The following DIP2C variants were observed in gnomAD, a reference collection of about 807,000 sequenced individuals.
DIP2C encodes the protein DIP2 acetate--CoA ligase C (putative).
A neutral mutation model predicts 192.4 loss-of-function variants in DIP2C; 33 were observed. The observed-to-expected ratio is 0.17, with a 90% CI of 0.13 to 0.23. DIP2C has a LOEUF of 0.23. Among genes scored for constraint, DIP2C ranks in the 10% least tolerant of loss-of-function variants. The pLI, the probability that DIP2C is intolerant of heterozygous loss-of-function variation, is 1.00. For synonymous variants in DIP2C, 979 were observed against 864.1 expected, an observed-to-expected ratio of 1.13 and a Z score of -2.33; for missense variants, 1,537 against 2,110.1, an observed-to-expected ratio of 0.73 and a Z score of 5.32.
chr10:396,456 A>C (rs1963992150), intron 10 of DIP2C, among the ~76,000 whole-genome samples: 1 of 152,240 alleles, frequency 6.6e-6, no homozygotes, highest in Non-Finnish European at 1.5e-5. Context: ...AGTGAAGAAA[A>C]GAATAATTGT....
chr10:580,075 CAT>C (rs1264522442), intron 1 of DIP2C, among the ~76,000 whole-genome samples: 2 of 152,140 alleles, frequency 1.3e-5, no homozygotes, highest in Admixed American at 6.5e-5. Context: ...TATGTACATG[CAT>C]ATAGCATACA....
chr10:658,908 C>T (rs1856577898), intron 1 of DIP2C, among the ~76,000 whole-genome samples: 1 of 152,174 alleles, frequency 6.6e-6, no homozygotes, highest in South Asian at 2.1e-4. Context: ...ATGGCCCTCC[C>T]AGAGAGGACT....
chr10:559,245 C>T (rs1348864614), intron 1 of DIP2C, among the ~76,000 whole-genome samples: 1 of 152,042 alleles, frequency 6.6e-6, no homozygotes, highest in South Asian at 2.1e-4. Flanking sequence ...GGCCCTCGAT[C>T]CGGGACCACA....
At chr10:404,465 T>G (rs1047579346) in intron 9 of DIP2C, among the ~76,000 whole-genome samples, 2 of 152,156 alleles carry the variant, frequency 1.3e-5, no homozygotes, top group Non-Finnish European at 2.9e-5. Flanking sequence ...CACCTCAGCC[T>G]CTCGAAGTGC....
chr10:676,445 C>A, intron 1 of DIP2C, among the ~76,000 whole-genome samples: 1 of 151,302 alleles, frequency 6.6e-6, no homozygotes, highest in East Asian at 1.9e-4. Context: ...TCAAGGGCAC[C>A]CAAAGTGGAA....
chr10:565,644 C>A (rs373626526), intron 1 of DIP2C, among the ~76,000 whole-genome samples: 1 of 152,180 alleles, frequency 6.6e-6, no homozygotes, highest in Admixed American at 6.5e-5. Flanking sequence ...GTGTGTTTCC[C>A]GTTTGCTACA....
intron 1 of DIP2C, among the ~76,000 whole-genome samples, chr10:501,737 C>T (rs1714044998): frequency 6.6e-6 from 1 of 152,086 alleles, no homozygotes; most frequent in Non-Finnish European, 1.5e-5. Flanking sequence ...ACATAGGCAC[C>T]GCAATATCCA....
intron 29 of DIP2C, among the ~76,000 whole-genome samples, chr10:338,864 C>A (rs1367096633): frequency 7.1e-6 from 1 of 141,292 alleles, no homozygotes; most frequent in African/African-American, 2.5e-5. Context: ...CTGGCTCCCA[C>A]AGCCCACCCC....
chr10:504,495 C>T lies in DIP2C; in HGVS notation c.86-17965G>A, dbSNP rs150973087. On this transcript the variant is annotated intron_variant, in intron 1 of 36. Coordinates refer to ENST00000280886, the MANE Select transcript of DIP2C (RefSeq NM_014974.3). ...GCACAGCCACCTTAGGCCGGGAGAG[C>T]GAGGATGGGACTCAGAAGCTGCAAG... Among the ~76,000 whole-genome samples, 557 of 152,308 alleles carry T rather than the reference C, an allele frequency of 3.7e-3. 1 individual carries two copies. Among genetic ancestry groups the T allele is most frequent in the African/African-American group, 0.013 (524 of 41,578 alleles).
rs369484071 is a variant in DIP2C at position 570,035 on chromosome 10, C to G, written c.86-83505G>C. 1.4e-4 allele frequency among the ~76,000 whole-genome samples: 22 copies of G among 152,290 alleles called. 2 individuals carry two copies. The highest frequency in any genetic ancestry group is 5.2e-4 in the Admixed American group (8 of 15,292). ...CAATGGCCTCAGAGCTCCAGCCAAC[C>G]TTGCACTCCACAGACTGAAGTATGC... On this transcript the variant is annotated intron_variant, in intron 1 of 36. Coordinates refer to ENST00000280886, the MANE Select transcript of DIP2C (RefSeq NM_014974.3).
intron 1 of DIP2C, chr10:664,161 G>A (rs1220303352): frequency 6.6e-6 from 1 of 152,278 alleles, no homozygotes; most frequent in African/African-American, 2.4e-5. Flanking sequence ...AAGGGGAAAA[G>A]CCCGGACACA....
At position 369,531 on chromosome 10, in the gene DIP2C, C is replaced by T. The variant is rs779328203; in HGVS notation, c.2094G>A (p.Val698=). The T allele has an allele frequency of 6.3e-7, 1 of 1,578,320 alleles. No individual in the cohort carries two copies. Among genetic ancestry groups the T allele is most frequent in the Non-Finnish European group, 8.6e-7 (1 of 1,159,392 alleles). Residue 698 remains valine (V), a synonymous_variant, in exon 18 of 37, where the codon GTG becomes GTA. Transcript: ENST00000280886. ...CGAGGCCGACATCCTGCACGGTGAG[C>T]ACGGACAGCTTCTCTTCCGAGTCCA... ...IRVDSEEKLS[V]LTVQDVGLVM...
intron 1 of DIP2C, among the ~76,000 whole-genome samples, chr10:554,588 C>A (rs994006435): frequency 6.6e-6 from 1 of 152,224 alleles, no homozygotes; most frequent in Non-Finnish European, 1.5e-5. Context: ...TCTTGAGACA[C>A]AGAAGGGGCA....
chr10:609,931 A>C (rs1852958301), intron 1 of DIP2C, among the ~76,000 whole-genome samples: 1 of 152,004 alleles, frequency 6.6e-6, no homozygotes, highest in Admixed American at 6.6e-5. Flanking sequence ...CGAGGGGCAC[A>C]AAGGAATGCG....
chr10:475,085 C>T (rs1970954739), intron 2 of DIP2C, among the ~76,000 whole-genome samples: 1 of 152,312 alleles, frequency 6.6e-6, no homozygotes, highest in Admixed American at 6.5e-5. Context: ...CATGTTCACC[C>T]TCTAACCTGG....
rs185012932 is a variant in DIP2C, at chr10:400,946, G to A, written c.1150-1727C>T. ...ACATGAATCCTATGATTTTACACGT[G>A]TGGCAGCATTAGCATTACTCTTCCT... is the stretch of plus-strand genomic sequence containing the variant. On this transcript the variant is annotated intron_variant, in intron 9 of 36. Transcript: ENST00000280886. 4.1e-3 allele frequency among the ~76,000 whole-genome samples: 606 copies of A among 148,548 alleles called. 21 individuals carry two copies. Among genetic ancestry groups the A allele is most frequent in the Non-Finnish European group, 5.8e-3 (392 of 67,488 alleles).
At chr10:625,617 T>C (rs1234056226) in intron 1 of DIP2C, among the ~76,000 whole-genome samples, 2 of 152,108 alleles carry the variant, frequency 1.3e-5, no homozygotes, top group African/African-American at 4.8e-5. Context: ...AAGTGACCTC[T>C]AGCCTGCAGA....
At chr10:533,320 G>A (rs78936979) in intron 1 of DIP2C, among the ~76,000 whole-genome samples, 11 of 152,202 alleles carry the variant, frequency 7.2e-5, no homozygotes, top group African/African-American at 1.7e-4. Flanking sequence ...TCTAGCTGCC[G>A]GATTAACTTC....
At chr10:547,599 CTT>C (rs1419469116) in intron 1 of DIP2C, among the ~76,000 whole-genome samples, 5 of 152,132 alleles carry the variant, frequency 3.3e-5, no homozygotes, top group African/African-American at 9.7e-5. Flanking sequence ...CTGTCATGAG[CTT>C]TAGCATTTAC....
Sources: allele counts gnomAD v4.1 joint callset (sites outside exome capture counted in the v4.1 genomes callset), GRCh38; gene constraint gnomAD v4.1.1; transcripts MANE v1.5; gene names NCBI Gene and HGNC (gene_info 2026-07-23, HGNC 2026-07-21).